TRPC5: variants seen among roughly 807,000 people sequenced by gnomAD.
TRPC5 encodes the protein transient receptor potential cation channel subfamily C member 5, also known as short transient receptor potential channel 5.
TRPC5 carries 9 observed loss-of-function variants against 56.5 expected under a neutral mutation model. The observed-to-expected ratio is 0.16, with a 90% CI of 0.10 to 0.28. TRPC5 has a LOEUF of 0.28. Ranked by LOEUF, TRPC5 falls within the 10% of genes least tolerant of loss-of-function variation. The pLI, the probability that TRPC5 is intolerant of heterozygous loss-of-function variation, is 1.00. For missense variants in TRPC5, 469 were observed against 748.9 expected (o/e 0.63, Z 4.36); for synonymous variants, 282 against 278.5 (o/e 1.01, Z -0.13).
At chrX:112,015,951 A>AATACT (rs1929110428) in intron 1 of TRPC5, among the ~76,000 whole-genome samples, 1 of 111,683 alleles carries the variant, frequency 9.0e-6, no homozygotes, top group African/African-American at 3.3e-5. Flanking sequence ...CTAGTATTTA[A>AATACT]AGAGAGTTGT....
chrX:111,982,544 C>G (rs1434350240), intron 1 of TRPC5, among the ~76,000 whole-genome samples: 2 of 111,800 alleles, frequency 1.8e-5, no homozygotes, highest in Non-Finnish European at 3.8e-5. Flanking sequence ...GTGTTTCAGA[C>G]ATATTCTTCC....
At chrX:111,779,312 G>T (rs1307445390) in intron 9 of TRPC5, among the ~76,000 whole-genome samples, 1 of 111,788 alleles carries the variant, frequency 8.9e-6, no homozygotes, top group Non-Finnish European at 1.9e-5. Context: ...CAAGCATAAG[G>T]TAAACATGTA....
intron 1 of TRPC5, among the ~76,000 whole-genome samples, chrX:112,073,884 C>T (rs1569530697): frequency 8.9e-6 from 1 of 112,165 alleles, no homozygotes; most frequent in South Asian, 3.7e-4. Context: ...TGACTACCTT[C>T]ATCACACATC....
chrX:112,057,431 C>CT (rs1159033696), intron 1 of TRPC5, among the ~76,000 whole-genome samples: 1 of 111,835 alleles, frequency 8.9e-6, no homozygotes, highest in Non-Finnish European at 1.9e-5. Context: ...TTTGCTTACA[C>CT]TTTTTTTATT....
chrX:111,795,537 A>T (rs188940687), intron 7 of TRPC5, among the ~76,000 whole-genome samples: 1 of 110,879 alleles, frequency 9.0e-6, no homozygotes. Flanking sequence ...TGTATATGTC[A>T]TCACAATGAC....
rs147530290 is a variant in TRPC5 at position 111,852,232 on chromosome X, C to G, written c.1377+66G>C. 7.8e-3 allele frequency: 8,251 copies of G among 1,052,807 alleles called. 34 individuals are homozygous for G. Among genetic ancestry groups the G allele is most frequent in the Middle Eastern group, 0.017 (64 of 3,858 alleles). 86.8% of individuals were successfully genotyped at this position (1,052,807 alleles called of 1,213,427 possible). A position where few individuals can be genotyped will look rare whatever the true frequency, so the allele number is the denominator to read the frequency against. On this transcript the variant is annotated intron_variant, in intron 5 of 10. Coordinates refer to ENST00000262839, the MANE Select transcript of TRPC5 (RefSeq NM_012471.3). Reference sequence around the variant, plus strand: ...ACTTTTTCTCAAAACTCTTTATGCTCTCAGTGCAAAAGCTTAATGTAGCCA... The same window carrying G: ...ACTTTTTCTCAAAACTCTTTATGCTGTCAGTGCAAAAGCTTAATGTAGCCA...
chrX:111,934,539 C>A (rs1384908415), intron 2 of TRPC5, among the ~76,000 whole-genome samples: 3 of 110,654 alleles, frequency 2.7e-5, no homozygotes, highest in Admixed American at 1.9e-4. Flanking sequence ...TTGTAATCAC[C>A]CTGCTGTGCT....
intron 1 of TRPC5, among the ~76,000 whole-genome samples, chrX:112,033,799 C>A (rs1929652092): frequency 8.9e-6 from 1 of 111,836 alleles, no homozygotes; most frequent in South Asian, 3.7e-4. Context: ...GGCACAATGG[C>A]ATGTGCCTGT....
At chrX:111,804,162 G>T (rs1255902625) in intron 7 of TRPC5, among the ~76,000 whole-genome samples, 1 of 111,942 alleles carries the variant, frequency 8.9e-6, no homozygotes, top group Non-Finnish European at 1.9e-5. Flanking sequence ...GATGGTTGTA[G>T]ATGTGTGGTG....
intron 1 of TRPC5, among the ~76,000 whole-genome samples, chrX:111,991,676 T>C (rs1928359145): frequency 8.9e-6 from 1 of 112,179 alleles, no homozygotes; most frequent in Admixed American, 9.5e-5. Context: ...CAGCAATCTA[T>C]CACACCTAGG....
At chrX:111,777,351 G>C (rs761743855) in intron 10 of TRPC5, among the ~76,000 whole-genome samples, 6 of 110,810 alleles carry the variant, frequency 5.4e-5, no homozygotes, top group Non-Finnish European at 1.1e-4. Flanking sequence ...CATATAAAAG[G>C]ACTACTGAAG....
In TRPC5 at chrX:112,005,463, T is replaced by TAAAAAAAAAAAAAA. The variant is rs745973541; in HGVS notation, c.-21-53036_-21-53023dup. 5.7e-4 allele frequency among the ~76,000 whole-genome samples: 38 copies of TAAAAAAAAAAAAAA among 66,353 alleles called. 1 individual carries two copies. Among genetic ancestry groups the TAAAAAAAAAAAAAA allele is most frequent in the African/African-American group, 2.1e-3 (36 of 16,849 alleles). The allele number at this position is 66,353 out of a possible 115,157, so 57.6% of individuals were successfully genotyped here. A position where few individuals can be genotyped will look rare whatever the true frequency, so the allele number is the denominator to read the frequency against. On this transcript the variant is annotated intron_variant, in intron 1 of 10. Transcript: ENST00000262839. ...GTACCCCTGAAACTGAACCTAAAAG[T>TAAAAAAAAAAAAAA]AAAAAAAAAAAAAAAAAAATATCTT...
At chrX:111,938,236 G>T (rs1926658125) in intron 2 of TRPC5, among the ~76,000 whole-genome samples, 1 of 89,321 alleles carries the variant, frequency 1.1e-5, no homozygotes, top group East Asian at 3.3e-4. Flanking sequence ...TCAGCTTAAG[G>T]AGATTTTGGG....
In TRPC5 at chrX:111,771,722, C is replaced by T. The variant is rs1399270457; in HGVS notation, c.*4591G>A. ...AAGTATGCAGACTGACTTTATTTTG[C>T]CAAAAATGTGTATATTTAAGTCTTC... is the stretch of plus-strand genomic sequence containing the variant. On this transcript the variant is annotated 3_prime_UTR_variant, in exon 11 of 11. Coordinates refer to ENST00000262839, the MANE Select transcript of TRPC5 (RefSeq NM_012471.3). Among the ~76,000 whole-genome samples, 1 of 109,859 alleles carries T rather than the reference C, an allele frequency of 9.1e-6. No homozygotes were observed. The highest frequency in any genetic ancestry group is 1.9e-5 in the Non-Finnish European group (1 of 52,794).
intron 2 of TRPC5, among the ~76,000 whole-genome samples, chrX:111,942,248 C>T (rs998394732): frequency 1.8e-5 from 2 of 112,249 alleles, no homozygotes; most frequent in African/African-American, 6.5e-5. Flanking sequence ...TCTGAGTATA[C>T]ATTTCTTGAA....
chrX:112,028,610 A>AT (rs1193648862), intron 1 of TRPC5, among the ~76,000 whole-genome samples: 2 of 111,910 alleles, frequency 1.8e-5, no homozygotes, highest in Non-Finnish European at 3.8e-5. Context: ...TGAACTCATC[A>AT]TTTTTTATGG....
chrX:111,839,195 C>G (rs1922653663), intron 6 of TRPC5, among the ~76,000 whole-genome samples: 1 of 111,603 alleles, frequency 9.0e-6, no homozygotes, highest in African/African-American at 3.3e-5. Flanking sequence ...TCTTTCCTTT[C>G]TCCTTTTCTG....
chrX:111,788,145 A>C (rs1287472865), intron 7 of TRPC5, among the ~76,000 whole-genome samples: 1 of 112,067 alleles, frequency 8.9e-6, no homozygotes, highest in Non-Finnish European at 1.9e-5. Flanking sequence ...CCTGATGAAC[A>C]TCAATGCGAA....
intron 1 of TRPC5, among the ~76,000 whole-genome samples, chrX:112,070,427 G>A (rs1351343455): frequency 9.0e-6 from 1 of 111,007 alleles, no homozygotes; most frequent in Non-Finnish European, 1.9e-5. Flanking sequence ...ATTTCTTTCT[G>A]AAAGTTCCAT....
Sources: gnomAD v4.1 joint callset for allele counts (sites outside exome capture counted in the v4.1 genomes callset) on GRCh38, gnomAD v4.1.1 for gene constraint, MANE v1.5 for transcripts, NCBI Gene and HGNC (gene_info 2026-07-23, HGNC 2026-07-21) for gene names.